The following NTM variants were observed in gnomAD, a reference collection of about 807,000 sequenced individuals.
The protein encoded by NTM is IgLON family member 2.
A neutral mutation model predicts 42.1 loss-of-function variants in NTM; 13 were observed. The observed-to-expected ratio is 0.31, with a 90% CI of 0.20 to 0.49. The LOEUF (loss-of-function observed/expected upper bound fraction) is 0.49. Among genes scored for constraint, NTM ranks in the 20% least tolerant of loss-of-function variants. The pLI is 0.99. For missense variants in NTM, 373 were observed against 452.8 expected, an observed-to-expected ratio of 0.82 and a Z score of 1.60; for synonymous variants, 187 against 179.2, an observed-to-expected ratio of 1.04 and a Z score of -0.35.
intron 1 of NTM, among the ~76,000 whole-genome samples, chr11:131,626,725 TA>T (rs1301326143): frequency 6.6e-6 from 1 of 152,234 alleles, no homozygotes; most frequent in Non-Finnish European, 1.5e-5. Flanking sequence ...AGACGATCTC[TA>T]CTTATTCTCC....
At chr11:132,173,148 A>C (rs559274009) in intron 3 of NTM, among the ~76,000 whole-genome samples, 5 of 152,354 alleles carry the variant, frequency 3.3e-5, no homozygotes, top group African/African-American at 1.2e-4. Context: ...AACTGTCTTT[A>C]TGCAGAGAAT....
chr11:132,184,698 CT>C (rs571935326), intron 3 of NTM, among the ~76,000 whole-genome samples: 10 of 152,108 alleles, frequency 6.6e-5, no homozygotes, highest in Non-Finnish European at 1.2e-4. Flanking sequence ...TGCATTTTTT[CT>C]TTTAAATGTA....
chr11:131,965,896 G>C (rs528307329), intron 2 of NTM, among the ~76,000 whole-genome samples: 49 of 145,634 alleles, frequency 3.4e-4, no homozygotes, highest in African/African-American at 1.2e-3. Flanking sequence ...AAGGGTTGGA[G>C]CTTGGGTAGG....
At chr11:132,306,132 G>A (rs144900143) in intron 4 of NTM, among the ~76,000 whole-genome samples, 1 of 152,290 alleles carries the variant, frequency 6.6e-6, no homozygotes, top group African/African-American at 2.4e-5. Flanking sequence ...ATGGAACAAG[G>A]CAGTGGCCCT....
intron 1 of NTM, among the ~76,000 whole-genome samples, chr11:131,616,610 C>T (rs2061958905): frequency 6.6e-6 from 1 of 152,124 alleles, no homozygotes; most frequent in African/African-American, 2.4e-5. Context: ...GGGGACATAC[C>T]TCCTGTTTTT....
Position 132,335,957 on chromosome 11 carries a change from A to G in NTM, c.*811A>G, listed in dbSNP as rs573374106. ...TAGGTTTACAACTGGTGGACCACAC[A>G]CCAGGCACTAATCACCTGGTGAGGA... On this transcript the variant is annotated 3_prime_UTR_variant, in exon 9 of 9. Transcript: ENST00000683400. 2 of 152,752 alleles carry G rather than the reference A, an allele frequency of 1.3e-5. No homozygotes were observed. Among genetic ancestry groups the G allele is most frequent in the South Asian group, 4.1e-4 (2 of 4,824 alleles). 9.5% of individuals were successfully genotyped at this position (152,752 alleles called of 1,614,324 possible). A position where few individuals can be genotyped will look rare whatever the true frequency, so the allele number is the denominator to read the frequency against.
intron 4 of NTM, among the ~76,000 whole-genome samples, chr11:132,272,285 T>C (rs1203451650): frequency 6.6e-6 from 1 of 152,138 alleles, no homozygotes; most frequent in Non-Finnish European, 1.5e-5. Flanking sequence ...TGTAGCTTTA[T>C]AGTGATATTT....
At chr11:132,325,699 T>A (rs1016772641) in intron 7 of NTM, among the ~76,000 whole-genome samples, 2 of 152,188 alleles carry the variant, frequency 1.3e-5, no homozygotes, top group African/African-American at 4.8e-5. Context: ...ATCATGCTGC[T>A]ATAAAGACAC....
chr11:131,533,207 A>G (rs1252489749), intron 1 of NTM, among the ~76,000 whole-genome samples: 1 of 152,236 alleles, frequency 6.6e-6, no homozygotes, highest in East Asian at 1.9e-4. Context: ...GCTAAATAAC[A>G]ACCCAGGAAA....
chr11:131,629,551 C>G (rs554152711), intron 1 of NTM, among the ~76,000 whole-genome samples: 55 of 152,298 alleles, frequency 3.6e-4, no homozygotes, highest in African/African-American at 1.2e-3. Flanking sequence ...ATGGAACACT[C>G]TGTTGCCTCT....
chr11:131,784,012 A>C (rs1484149179), intron 1 of NTM, among the ~76,000 whole-genome samples: 1 of 152,208 alleles, frequency 6.6e-6, no homozygotes, highest in Admixed American at 6.5e-5. Flanking sequence ...CCAATGAGAA[A>C]GATCAATAAT....
chr11:131,711,899 G>A (rs1316479931), intron 1 of NTM, among the ~76,000 whole-genome samples: 144 of 144,940 alleles, frequency 9.9e-4, no homozygotes, highest in Admixed American at 3.3e-3. Flanking sequence ...ACCAAACACC[G>A]CATGTTCTCA....
Position 132,335,226 on chromosome 11 carries a change from A to C in NTM, c.*80A>C. The C allele has an allele frequency of 1.4e-6, 2 of 1,470,390 alleles. No homozygotes were observed. The highest frequency in any genetic ancestry group is 1.9e-6 in the Non-Finnish European group (2 of 1,065,602). 91.1% of individuals were successfully genotyped at this position (1,470,390 alleles called of 1,614,324 possible). A position where few individuals can be genotyped will look rare whatever the true frequency, so the allele number is the denominator to read the frequency against. ...CAACAGCAATGGCAACACCGACAGC[A>C]ACCAATCAGATATATACAAATGAAA... On this transcript the variant is annotated 3_prime_UTR_variant, in exon 9 of 9. Coordinates refer to ENST00000683400, the MANE Select transcript of NTM (RefSeq NM_001352005.2).
intron 2 of NTM, among the ~76,000 whole-genome samples, chr11:132,075,044 G>A (rs1196933948): frequency 1.3e-5 from 2 of 152,150 alleles, no homozygotes; most frequent in African/African-American, 4.8e-5. Context: ...TGACATCATG[G>A]ATGGACCTTG....
intron 2 of NTM, among the ~76,000 whole-genome samples, chr11:132,111,661 C>A (rs1276593362): frequency 6.6e-6 from 1 of 152,194 alleles, no homozygotes; most frequent in East Asian, 1.9e-4. Context: ...TAAGAACTGA[C>A]CTCCTGAAAA....
rs1023793347 is a variant in NTM, at chr11:131,800,238, C to T, written c.83-111326C>T. On this transcript the variant is annotated intron_variant, in intron 1 of 8. Coordinates refer to ENST00000683400, the MANE Select transcript of NTM (RefSeq NM_001352005.2). ...GATTTAAAGAAGTAATTGCAATCCCCATTGTCTCATCTGGTAGAATTTACC... is the reference window on the plus strand; with the variant it reads ...GATTTAAAGAAGTAATTGCAATCCCTATTGTCTCATCTGGTAGAATTTACC... Among the ~76,000 whole-genome samples the T allele has an allele frequency of 2.6e-5, 4 of 152,234 alleles. No individual in the cohort carries two copies. In the East Asian group the frequency reaches 5.8e-4, roughly 22 times the overall value.
intron 1 of NTM, among the ~76,000 whole-genome samples, chr11:131,712,525 G>C (rs992052909): frequency 1.3e-5 from 2 of 152,014 alleles, no homozygotes; most frequent in South Asian, 2.1e-4. Context: ...GATAATAGAT[G>C]GCTTAGGTTT....
intron 4 of NTM, among the ~76,000 whole-genome samples, chr11:132,265,942 A>C (rs1028187305): frequency 8.5e-5 from 13 of 152,192 alleles, no homozygotes; most frequent in African/African-American, 2.9e-4. Context: ...GTCCAGGTTC[A>C]GGGTTCCTAG....
rs75458189 is a variant in NTM, at chr11:132,026,990, G to A, written c.167+115342G>A. On this transcript the variant is annotated intron_variant, in intron 2 of 8. Coordinates refer to ENST00000683400, the MANE Select transcript of NTM (RefSeq NM_001352005.2). ...TCTGTATTTTGTAGACCTTGTCTAC[G>A]CTACTGCTTCCTGAATTATTCATAG... Among the ~76,000 whole-genome samples the A allele has an allele frequency of 5.7e-4, 87 of 152,298 alleles. No individual in the cohort carries two copies. In the East Asian group the frequency reaches 0.015, roughly 26 times the overall value.
Sources: allele counts gnomAD v4.1 joint callset (sites outside exome capture counted in the v4.1 genomes callset), GRCh38; gene constraint gnomAD v4.1.1; transcripts MANE v1.5; gene names NCBI Gene and HGNC (gene_info 2026-07-23, HGNC 2026-07-21).